Variants in R3HDM4 observed in about 807,000 individuals in gnomAD.
R3HDM4 encodes the protein R3H domain-containing protein 4.
A neutral mutation model predicts 31.3 loss-of-function variants in R3HDM4; 30 were observed. That is an observed-to-expected ratio of 0.96 (90% CI 0.72 to 1.30). R3HDM4 has a LOEUF of 1.30. Among genes scored for constraint, R3HDM4 ranks in the 50% most tolerant of loss-of-function variants. The pLI, the probability that R3HDM4 is intolerant of heterozygous loss-of-function variation, is 0.00. For missense variants in R3HDM4, 444 were observed against 366.1 expected, an observed-to-expected ratio of 1.21 and a Z score of -1.74; for synonymous variants, 196 against 156.6, an observed-to-expected ratio of 1.25 and a Z score of -1.88.
intron 2 of R3HDM4, 100 bp downstream of exon 2, chr19:901,876 C>G: frequency 6.8e-7 from 1 of 1,468,818 alleles, no homozygotes; most frequent in East Asian, 2.3e-5. Flanking sequence ...CCAGCCCCAC[C>G]CAGGCACAGC....
At chr19:910,524 T>C (rs1166681297) in intron 1 of R3HDM4, among the ~76,000 whole-genome samples, 2 of 151,902 alleles carry the variant, frequency 1.3e-5, no homozygotes, top group Admixed American at 1.3e-4. Context: ...CCCAACACTT[T>C]GGGAGGCCGA....
chr19:903,912 G>T (rs1022588536), intron 1 of R3HDM4, among the ~76,000 whole-genome samples: 1 of 152,122 alleles, frequency 6.6e-6, no homozygotes, highest in Non-Finnish European at 1.5e-5. Context: ...TTAGCCGGGC[G>T]TGGTGGTGGG....
Position 897,299 on chromosome 19 carries a change from G to A in R3HDM4, c.*138C>T, listed in dbSNP as rs969736334. On this transcript the variant is annotated 3_prime_UTR_variant, in exon 8 of 8. Transcript: ENST00000361574. ...ACTGCCAAGAGCTGCGTGAGGAGGGGGCAGAGTGAGAGAGACCACCCCAAG... is the reference window on the plus strand; with the variant it reads ...ACTGCCAAGAGCTGCGTGAGGAGGGAGCAGAGTGAGAGAGACCACCCCAAG... 4.1e-5 allele frequency: 26 copies of A among 630,426 alleles called. No individual in the cohort carries two copies. Among genetic ancestry groups the A allele is most frequent in the African/African-American group, 2.8e-4 (15 of 53,636 alleles). The allele number at this position is 630,426 out of a possible 1,614,324, so 39.1% of individuals were successfully genotyped here.
chr19:912,645 GCACGGACCGAGGAGTT>G (rs2036992956), intron 1 of R3HDM4, among the ~76,000 whole-genome samples: 1 of 116,994 alleles, frequency 8.5e-6, no homozygotes. Flanking sequence ...GAGAGTGGGG[GCACGGACCGAGGAGTT>G]GGGGGGCGGA....
rs2036915671 is a variant in R3HDM4 at position 907,122 on chromosome 19, T to C, written c.72-4992A>G. On this transcript the variant is annotated intron_variant, in intron 1 of 7. Transcript: ENST00000361574. This position sits in a 1 kb window ranked among gnomAD's most constrained non-coding sequence, Gnocchi z 4.1. Reference sequence around the variant, plus strand: ...GAGCTACCACGCCCGGCCCTCATTATACAGATTTGTAAACCAAGGCACAAA... The same window carrying C: ...GAGCTACCACGCCCGGCCCTCATTACACAGATTTGTAAACCAAGGCACAAA... Among the ~76,000 whole-genome samples the C allele has an allele frequency of 6.6e-6, 1 of 152,142 alleles. No individual in the cohort carries two copies. The highest frequency in any genetic ancestry group is 6.5e-5 in the Admixed American group (1 of 15,268).
In R3HDM4 at chr19:899,739, C is replaced by T; in HGVS notation, c.562-53G>A. The stretch of plus-strand genomic sequence containing the variant: ...AACTGCGGGACCTGTGGGTGGGGGG[C>T]CAGGGAGGTCCAGGGCCCCCAGGAG... On this transcript the variant is annotated intron_variant, in intron 5 of 7. Coordinates refer to ENST00000361574, the MANE Select transcript of R3HDM4 (RefSeq NM_138774.4). This position sits in a 1 kb window ranked among gnomAD's most constrained non-coding sequence, Gnocchi z 6.8. 7.3e-7 allele frequency: 1 copy of T among 1,367,104 alleles called. No homozygotes were observed. Among genetic ancestry groups the T allele is most frequent in the East Asian group, 2.4e-5 (1 of 40,922 alleles). The allele number at this position is 1,367,104 out of a possible 1,614,324, so 84.7% of individuals were successfully genotyped here.
rs2036920036 is a variant in R3HDM4, at chr19:907,374, C to A, written c.72-5244G>T. On this transcript the variant is annotated intron_variant, in intron 1 of 7. Transcript: ENST00000361574. This position sits in a 1 kb window ranked among gnomAD's most constrained non-coding sequence, Gnocchi z 4.1. ...ACAGCCCCCCCTGAGGCCCCGGGGC[C>A]TACTTCTCCACCCCAGCAGCTGGAC... Among the ~76,000 whole-genome samples the A allele has an allele frequency of 6.6e-6, 1 of 152,088 alleles. No homozygotes were observed. The highest frequency in any genetic ancestry group is 6.6e-5 in the Admixed American group (1 of 15,262).
chr19:901,387 C>A (rs112889245), intron 3 of R3HDM4, 35 bp downstream of exon 3: 2 of 1,588,576 alleles, frequency 1.3e-6, no homozygotes, highest in Non-Finnish European at 1.7e-6. Context: ...GCCGGGGTCC[C>A]CGTGTGGAGG....
intron 1 of R3HDM4, 32 bp from the exon 2 acceptor site, chr19:902,162 T>C (rs2036846696): frequency 7.5e-6 from 12 of 1,607,814 alleles, no homozygotes; most frequent in Admixed American, 1.7e-5. Context: ...GTCCTCAGGG[T>C]CAAGGCCGGC....
In R3HDM4 at chr19:897,303, G is replaced by C. The variant is rs2036751422; in HGVS notation, c.*134C>G. 1 of 654,906 alleles carries C rather than the reference G, an allele frequency of 1.5e-6. No individual in the cohort carries two copies. Among genetic ancestry groups the C allele is most frequent in the African/African-American group, 1.8e-5 (1 of 54,406 alleles). The allele number at this position is 654,906 out of a possible 1,614,324, so 40.6% of individuals were successfully genotyped here. A position where few individuals can be genotyped will look rare whatever the true frequency, so the allele number is the denominator to read the frequency against. ...CCAAGAGCTGCGTGAGGAGGGGGCA[G>C]AGTGAGAGAGACCACCCCAAGCGAA... On this transcript the variant is annotated 3_prime_UTR_variant, in exon 8 of 8. Transcript: ENST00000361574.
intron 1 of R3HDM4, among the ~76,000 whole-genome samples, chr19:904,016 G>A (rs375709095): frequency 2.2e-4 from 34 of 151,968 alleles, no homozygotes; most frequent in South Asian, 6.2e-4. Context: ...GTGCCACTGC[G>A]CTCCAGCCTG....
chr19:903,009 C>G (rs1403578761), intron 1 of R3HDM4, among the ~76,000 whole-genome samples: 1 of 152,260 alleles, frequency 6.6e-6, no homozygotes, highest in South Asian at 2.1e-4. Flanking sequence ...GACACTTGCC[C>G]AAAGTCACAC....
intron 1 of R3HDM4, among the ~76,000 whole-genome samples, chr19:903,251 T>G (rs2036859761): frequency 7.6e-6 from 1 of 132,168 alleles, no homozygotes; most frequent in Non-Finnish European, 1.6e-5. Flanking sequence ...ACCCCCCCCT[T>G]AATGTCCCCT....
Position 899,923 on chromosome 19 carries a change from G to A in R3HDM4, c.561+138C>T. On this transcript the variant is annotated intron_variant, in intron 5 of 7. Coordinates refer to ENST00000361574, the MANE Select transcript of R3HDM4 (RefSeq NM_138774.4). The surrounding 1 kb of genome is among the most constrained non-coding windows in gnomAD (Gnocchi z 6.8). ...TCGTTGCCCCCGCCCTCCTACTCAGGGCCCTGGTGCCGCTGTCTGTATCCT... is the reference window on the plus strand; with the variant it reads ...TCGTTGCCCCCGCCCTCCTACTCAGAGCCCTGGTGCCGCTGTCTGTATCCT... 2 of 948,048 alleles carry A rather than the reference G, an allele frequency of 2.1e-6. No individual in the cohort carries two copies. The highest frequency in any genetic ancestry group is 3.3e-6 in the Non-Finnish European group (2 of 614,254). 58.7% of individuals were successfully genotyped at this position (948,048 alleles called of 1,614,324 possible). A position where few individuals can be genotyped will look rare whatever the true frequency, so the allele number is the denominator to read the frequency against.
chr19:900,840 T>A lies in R3HDM4; in HGVS notation c.464A>T (p.Asp155Val). Residue 155 changes from aspartate to valine, a missense_variant, in exon 4 of 8, where the codon GAC becomes GTC. Asp to Val is a radical substitution (Grantham distance 152). Coordinates refer to ENST00000361574, the MANE Select transcript of R3HDM4 (RefSeq NM_138774.4). ...AGCCAGGCCCGCACCTCTCCTCCGG[T>A]CCTCCCCACGGCCAGGGCCCCTCCT... Reference protein sequence around the residue: ...ARRRGPGRGEDRRREDPAYTP... With the variant: ...ARRRGPGRGEVRRREDPAYTP... The A allele has an allele frequency of 7.3e-7, 1 of 1,373,538 alleles. No individual in the cohort carries two copies. Among genetic ancestry groups the A allele is most frequent in the Non-Finnish European group, 9.9e-7 (1 of 1,010,538 alleles). The allele number at this position is 1,373,538 out of a possible 1,614,324, so 85.1% of individuals were successfully genotyped here.
chr19:903,619 C>T (rs192626503), intron 1 of R3HDM4, among the ~76,000 whole-genome samples: 1 of 152,264 alleles, frequency 6.6e-6, no homozygotes, highest in East Asian at 1.9e-4. Context: ...ACAAACTGGG[C>T]GTGGGAGCTC....
At position 905,432 on chromosome 19, in the gene R3HDM4, G is replaced by A. The variant is rs367640575; in HGVS notation, c.72-3302C>T. Among the ~76,000 whole-genome samples, 217 of 151,090 alleles carry A rather than the reference G, an allele frequency of 1.4e-3. 1 individual carries two copies. Among genetic ancestry groups the A allele is most frequent in the African/African-American group, 5.0e-3 (207 of 41,008 alleles). On this transcript the variant is annotated intron_variant, in intron 1 of 7. Transcript: ENST00000361574. Reference sequence around the variant, plus strand: ...AGGCAGGAGAATTGCTTGAACCCAGGAGACGGAGGTTGCGGTGAGCCAAGA... The same window carrying A: ...AGGCAGGAGAATTGCTTGAACCCAGAAGACGGAGGTTGCGGTGAGCCAAGA...
At position 913,112 on chromosome 19, in the gene R3HDM4, C is replaced by T. The variant is rs2037003221; in HGVS notation, c.46G>A (p.Gly16Ser). Reference protein sequence around the residue: ...NPECGPEAAEGTPGGRRLLPL... With the variant: ...NPECGPEAAESTPGGRRLLPL... The stretch of plus-strand genomic sequence containing the variant: ...AGCAGCCGCCGCCCGCCCGGGGTGC[C>T]CTCCGCCGCCTCCGGGCCGCACTCG... The change falls in exon 1 of 8, where the codon GGC becomes AGC. Residue 16 changes from glycine (G) to serine (S), a missense_variant. Gly to Ser is a moderately conservative substitution (Grantham distance 56). Coordinates refer to ENST00000361574, the MANE Select transcript of R3HDM4 (RefSeq NM_138774.4). The surrounding 1 kb of genome is among the most constrained non-coding windows in gnomAD (Gnocchi z 5.0). 2.8e-6 allele frequency: 3 copies of T among 1,080,904 alleles called. No homozygotes were observed. Among genetic ancestry groups the T allele is most frequent in the Admixed American group, 4.9e-5 (1 of 20,504 alleles). 67.0% of individuals were successfully genotyped at this position (1,080,904 alleles called of 1,614,324 possible). A position where few individuals can be genotyped will look rare whatever the true frequency, so the allele number is the denominator to read the frequency against.
At position 899,838 on chromosome 19, in the gene R3HDM4, G is replaced by A; in HGVS notation, c.562-152C>T. 1.3e-6 allele frequency: 1 copy of A among 752,260 alleles called. No individual in the cohort carries two copies. Among genetic ancestry groups the A allele is most frequent in the Non-Finnish European group, 2.1e-6 (1 of 467,358 alleles). 46.6% of individuals were successfully genotyped at this position (752,260 alleles called of 1,614,324 possible). A position where few individuals can be genotyped will look rare whatever the true frequency, so the allele number is the denominator to read the frequency against. ...GCTTAAGTGTCTCTGAGGCCACCAT[G>A]CCACCTCCTGCCTGTGCCTTCCGTG... On this transcript the variant is annotated intron_variant, in intron 5 of 7. Coordinates refer to ENST00000361574, the MANE Select transcript of R3HDM4 (RefSeq NM_138774.4). This position sits in a 1 kb window ranked among gnomAD's most constrained non-coding sequence, Gnocchi z 6.8.
Sources: gnomAD v4.1 joint callset for allele counts (sites outside exome capture counted in the v4.1 genomes callset) on GRCh38, gnomAD v4.1.1 for gene constraint, Gnocchi (gnomAD v3.1) non-coding constraint, MANE v1.5 for transcripts, NCBI Gene and HGNC (gene_info 2026-07-23, HGNC 2026-07-21) for gene names.